Variants in EIF2AK1 observed in about 807,000 individuals in gnomAD.
EIF2AK1 encodes eukaryotic translation initiation factor 2-alpha kinase 1.
EIF2AK1 carries 54 observed loss-of-function variants against 77.9 expected under a neutral mutation model. The observed-to-expected ratio is 0.69, with a 90% confidence interval of 0.56 to 0.87. EIF2AK1 has a LOEUF of 0.87. Among genes scored for constraint, EIF2AK1 ranks in the 40% least tolerant of loss-of-function variants. The probability of loss-of-function intolerance (pLI) is 0.00; values close to 1 mark genes in which losing one functional copy is unlikely to be tolerated. For missense variants in EIF2AK1, 810 were observed against 768.6 expected (o/e 1.05, Z -0.64); for synonymous variants, 314 against 290.5 (o/e 1.08, Z -0.82).
intron 14 of EIF2AK1, among the ~76,000 whole-genome samples, chr7:6,025,721 C>T (rs527575612): frequency 8.5e-5 from 13 of 152,076 alleles, no homozygotes; most frequent in East Asian, 3.9e-4. Context: ...CTGCAACCTC[C>T]GCCTCCCAGT....
chr7:6,048,340 C>T (rs562188815), intron 4 of EIF2AK1, among the ~76,000 whole-genome samples: 1 of 152,170 alleles, frequency 6.6e-6, no homozygotes, highest in African/African-American at 2.4e-5. Flanking sequence ...AATATGTGGC[C>T]TTTTATGACT....
chr7:6,027,014 C>T lies in EIF2AK1; in HGVS notation c.1531-53G>A. 2 of 1,466,176 alleles carry T rather than the reference C, an allele frequency of 1.4e-6. No individual in the cohort carries two copies. Among genetic ancestry groups the T allele is most frequent in the Non-Finnish European group, 1.9e-6 (2 of 1,053,824 alleles). The allele number at this position is 1,466,176 out of a possible 1,614,324, so 90.8% of individuals were successfully genotyped here. On this transcript the variant is annotated intron_variant, in intron 13 of 14. Transcript: ENST00000199389. The surrounding 1 kb of genome is among the most constrained non-coding windows in gnomAD (Gnocchi z 4.5). ...GTAGTGAAATACAAAGTTAGAAGAA[C>T]GTTTCCATTTCCGTGTTCCACCCTC...
chr7:6,054,767 C>A, intron 1 of EIF2AK1, 63 bp from the exon 2 acceptor site: 2 of 1,420,376 alleles, frequency 1.4e-6, no homozygotes, highest in Non-Finnish European at 9.7e-7. Flanking sequence ...ATGACAAAAC[C>A]GTATATTCTA....
At chr7:6,031,574 A>T in intron 11 of EIF2AK1, 1 of 1,550,792 alleles carries the variant, frequency 6.4e-7, no homozygotes, top group South Asian at 1.2e-5. Context: ...CGCCAGCAAC[A>T]GATTACTTCT....
intron 10 of EIF2AK1, among the ~76,000 whole-genome samples, chr7:6,038,250 T>A (rs1788161110): frequency 6.6e-6 from 1 of 152,036 alleles, no homozygotes; most frequent in African/African-American, 2.4e-5. Context: ...GGCAGGATAA[T>A]GAGACCCTGT....
chr7:6,056,613 A>AAAATATATATATATATATATAT, intron 1 of EIF2AK1, among the ~76,000 whole-genome samples: 11 of 43,730 alleles, frequency 2.5e-4, no homozygotes, highest in Non-Finnish European at 4.2e-4. Flanking sequence ...AAAAAAAAAA[A>AAAATATATATATATATATATAT]ATATATATAT....
Position 6,024,327 on chromosome 7 carries a change from C to A in EIF2AK1, c.*346G>T, listed in dbSNP as rs1237322813. ...AACAGTCCAGTGAGTATGTGCAGGC[C>A]CGGGCTTGGGCAGTGACGAGGGCAG... On this transcript the variant is annotated 3_prime_UTR_variant, in exon 15 of 15. Coordinates refer to ENST00000199389, the MANE Select transcript of EIF2AK1 (RefSeq NM_014413.4). 1.6e-6 allele frequency: 2 copies of A among 1,220,844 alleles called. No homozygotes were observed. The highest frequency in any genetic ancestry group is 1.0e-6 in the Non-Finnish European group (1 of 965,024). 75.6% of individuals were successfully genotyped at this position (1,220,844 alleles called of 1,614,324 possible).
chr7:6,028,591 A>G (rs1787816416), intron 13 of EIF2AK1, 24 bp downstream of exon 13: 3 of 1,610,014 alleles, frequency 1.9e-6, no homozygotes, highest in African/African-American at 1.3e-5. Context: ...GTTGAATGAA[A>G]GGGCAGAAAG....
chr7:6,032,988 G>C lies in EIF2AK1; in HGVS notation c.1333-3956C>G, dbSNP rs1562744305. The C allele has an allele frequency of 6.8e-7, 1 of 1,466,994 alleles. No homozygotes were observed. Among genetic ancestry groups the C allele is most frequent in the Non-Finnish European group, 9.3e-7 (1 of 1,079,370 alleles). 90.9% of individuals were successfully genotyped at this position (1,466,994 alleles called of 1,614,324 possible). A position where few individuals can be genotyped will look rare whatever the true frequency, so the allele number is the denominator to read the frequency against. On this transcript the variant is annotated intron_variant, in intron 11 of 14. Transcript: ENST00000199389. This position sits in a 1 kb window ranked among gnomAD's most constrained non-coding sequence, Gnocchi z 4.3. Reference sequence around the variant, plus strand: ...TCTTTTTTTTTCTTTTTTGTTTTGAGGCAGGGGTCTCGCTCTGTTGCCCAG... The same window carrying C: ...TCTTTTTTTTTCTTTTTTGTTTTGACGCAGGGGTCTCGCTCTGTTGCCCAG...
chr7:6,053,321 T>C (rs1352407169), intron 2 of EIF2AK1, among the ~76,000 whole-genome samples: 1 of 152,188 alleles, frequency 6.6e-6, no homozygotes, highest in African/African-American at 2.4e-5. Flanking sequence ...CTAAAGCATT[T>C]ATCCCTTCTT....
intron 2 of EIF2AK1, among the ~76,000 whole-genome samples, chr7:6,050,747 C>T (rs1001617151): frequency 3.3e-5 from 5 of 151,584 alleles, no homozygotes; most frequent in African/African-American, 4.9e-5. Flanking sequence ...CGACTATAGG[C>T]GCCTGCCACC....
At chr7:6,055,342 C>CAAAAAAAAA (rs58804557) in intron 1 of EIF2AK1, among the ~76,000 whole-genome samples, 2 of 70,228 alleles carry the variant, frequency 2.8e-5, no homozygotes, top group East Asian at 4.6e-4. Context: ...AACTCCGTCT[C>CAAAAAAAAA]AAAAAAAAAA....
intron 2 of EIF2AK1, 27 bp from the exon 3 acceptor site, chr7:6,050,072 A>T: frequency 6.4e-7 from 1 of 1,574,350 alleles, no homozygotes; most frequent in Non-Finnish European, 8.6e-7. Flanking sequence ...AAAAACTATT[A>T]TTAGAAACAT....
intron 14 of EIF2AK1, chr7:6,026,292 C>T (rs1224164679): frequency 2.6e-6 from 1 of 383,252 alleles, no homozygotes; most frequent in Non-Finnish European, 5.3e-6. Context: ...ATACAGACAG[C>T]CCAGAACAGC....
At chr7:6,046,909 A>C in intron 5 of EIF2AK1, 83 bp downstream of exon 5, 1 of 1,294,276 alleles carries the variant, frequency 7.7e-7, no homozygotes, top group Non-Finnish European at 1.1e-6. Context: ...CAAAAAAATA[A>C]ATAAATAAAA....
intron 2 of EIF2AK1, among the ~76,000 whole-genome samples, 165 bp downstream of exon 2, chr7:6,054,381 T>A (rs908190184): frequency 2.0e-5 from 3 of 151,950 alleles, no homozygotes; most frequent in African/African-American, 7.3e-5. Context: ...TTTCCATATT[T>A]TGAGTAAAGA....
At chr7:6,050,898 C>T (rs547309623) in intron 2 of EIF2AK1, among the ~76,000 whole-genome samples, 3 of 152,184 alleles carry the variant, frequency 2.0e-5, no homozygotes, top group Non-Finnish European at 2.9e-5. Context: ...CCACTGCACC[C>T]GGCCTATAAT....
At chr7:6,046,856 T>G (rs41280717) in intron 5 of EIF2AK1, 136 bp downstream of exon 5, 1 of 715,738 alleles carries the variant, frequency 1.4e-6, no homozygotes, top group Admixed American at 3.4e-5. Flanking sequence ...GAGCTGAGAT[T>G]GCGCCGCGCA....
In EIF2AK1 at chr7:6,035,792, T is replaced by G. The variant is rs1788061002; in HGVS notation, c.1332+1632A>C. On this transcript the variant is annotated intron_variant, in intron 11 of 14. Transcript: ENST00000199389. The surrounding 1 kb of genome is among the most constrained non-coding windows in gnomAD (Gnocchi z 5.5). ...ATAAGGAGATGATGGAAACGCTCAT[T>G]GCCTATGGAGCAAACGTCAACTGTG... 2 of 1,551,072 alleles carry G rather than the reference T, an allele frequency of 1.3e-6. No individual in the cohort carries two copies. The highest frequency in any genetic ancestry group is 1.7e-6 in the Non-Finnish European group (2 of 1,147,076).
Sources: allele counts gnomAD v4.1 joint callset (sites outside exome capture counted in the v4.1 genomes callset), GRCh38; gene constraint gnomAD v4.1.1; non-coding constraint Gnocchi (gnomAD v3.1); transcripts MANE v1.5; gene names NCBI Gene and HGNC (gene_info 2026-07-23, HGNC 2026-07-21).